The following BUB1 variants were observed in gnomAD, a reference collection of about 807,000 sequenced individuals.
BUB1 encodes mitotic checkpoint serine/threonine-protein kinase BUB1.
BUB1 carries 84 observed loss-of-function variants against 135.2 expected under a neutral mutation model. That is an observed-to-expected ratio of 0.62 (90% CI 0.52 to 0.74). The LOEUF (loss-of-function observed/expected upper bound fraction) is 0.74, where lower values mean the gene tolerates loss of function less well. Ranked by LOEUF, BUB1 falls within the 30% of genes least tolerant of loss-of-function variation. BUB1 has a pLI of 0.00. For missense variants in BUB1, 1,162 were observed against 1,288.3 expected, an observed-to-expected ratio of 0.90 and a Z score of 1.50; for synonymous variants, 403 against 434.4, an observed-to-expected ratio of 0.93 and a Z score of 0.90.
intron 17 of BUB1, 115 bp downstream of exon 17, chr2:110,653,321 A>G: frequency 9.7e-7 from 1 of 1,025,768 alleles, no homozygotes; most frequent in Non-Finnish European, 1.4e-6. Flanking sequence ...TTGGCCTTTA[A>G]GGCTAAAATT....
At position 110,672,751 on chromosome 2, in the gene BUB1, G is replaced by T. The variant is rs2104559391; in HGVS notation, c.332C>A (p.Ala111Asp). ...ACTGGCATGCTGCAGCTCTCCTTGG[G>T]CTTCCAGATGCCCCGCCCAGGCAAT... ...LYIAWAGHLE[A>D]QGELQHASAV... Residue 111 changes from alanine to aspartate, a missense_variant, in exon 4 of 25, where the codon GCC (alanine) becomes GAC (aspartate). By Grantham distance (126) the Ala-to-Asp change is moderately radical. Transcript: ENST00000302759. 6.2e-7 allele frequency: 1 copy of T among 1,614,158 alleles called. No homozygotes were observed. The highest frequency in any genetic ancestry group is 2.2e-5 in the East Asian group (1 of 44,886).
intron 2 of BUB1, 34 bp downstream of exon 2, chr2:110,674,272 T>G: frequency 1.2e-6 from 2 of 1,613,384 alleles, no homozygotes. Flanking sequence ...AGTGTATAGT[T>G]TGTTTAAGGG....
chr2:110,658,615 T>A lies in BUB1; in HGVS notation c.1404A>T (p.Leu468Phe). The change falls in exon 12 of 25, where the codon TTA becomes TTT. Residue 468 changes from leucine to phenylalanine, a missense_variant and splice_region_variant. Leu to Phe is a conservative substitution (Grantham distance 22). Transcript: ENST00000302759. ...PSPTVHTKEA[L>F]GFIMNMFQAP... The stretch of plus-strand genomic sequence containing the variant: ...ACACACTCAGATAAAATACTTTACC[T>A]AATGCTTCTTTTGTGTGCACGGTGG... 1.2e-6 allele frequency: 2 copies of A among 1,614,224 alleles called. No individual in the cohort carries two copies. The highest frequency in any genetic ancestry group is 1.7e-6 in the Non-Finnish European group (2 of 1,180,038).
chr2:110,672,577 C>A (rs549584398), intron 4 of BUB1, 84 bp downstream of exon 4: 100 of 1,393,404 alleles, frequency 7.2e-5, no homozygotes, highest in Non-Finnish European at 9.2e-5. Context: ...TTTCCCTGTA[C>A]AAATTGCTAA....
chr2:110,669,636 C>G, intron 5 of BUB1, 83 bp from the exon 6 acceptor site: 1 of 855,232 alleles, frequency 1.2e-6, no homozygotes, highest in Non-Finnish European at 1.9e-6. Context: ...TTCCCCTGAT[C>G]CTTCCAGTAG....
At chr2:110,661,536 G>A in intron 10 of BUB1, 46 bp downstream of exon 10, 3 of 1,588,518 alleles carry the variant, frequency 1.9e-6, no homozygotes, top group Non-Finnish European at 2.6e-6. Flanking sequence ...GAAGGTGACA[G>A]GTGCCACTCA....
chr2:110,652,209 A>C (rs1232759338), intron 17 of BUB1, among the ~76,000 whole-genome samples: 5 of 152,176 alleles, frequency 3.3e-5, no homozygotes, highest in Non-Finnish European at 5.9e-5. Flanking sequence ...TACAGAACGC[A>C]GAGTGATGAA....
chr2:110,674,574 G>C (rs1240808816), intron 1 of BUB1, among the ~76,000 whole-genome samples: 2 of 152,202 alleles, frequency 1.3e-5, no homozygotes, highest in Non-Finnish European at 2.9e-5. Context: ...CATTCGCTCA[G>C]ACATAGTCAG....
intron 4 of BUB1, among the ~76,000 whole-genome samples, chr2:110,671,028 C>A (rs1690405738): frequency 1.3e-5 from 2 of 152,284 alleles, no homozygotes; most frequent in South Asian, 4.1e-4. Flanking sequence ...TCAAATATGT[C>A]ATTTCATGGC....
chr2:110,658,478 A>G lies in BUB1; in HGVS notation c.1448T>C (p.Ile483Thr), dbSNP rs755528058. The change falls in exon 13 of 25, where the codon ATT becomes ACT. Residue 483 changes from isoleucine to threonine, a missense_variant. Transcript: ENST00000302759. ...TTGCCATTCATCTTTGTCATCAGAA[A>G]TATCAGGAAGTGTAGGAGCCTGAAA... Reference protein sequence around the residue: ...NMFQAPTLPDISDDKDEWQSL... With the variant: ...NMFQAPTLPDTSDDKDEWQSL... 6.2e-7 allele frequency: 1 copy of G among 1,614,116 alleles called. No homozygotes were observed. Among genetic ancestry groups the G allele is most frequent in the Non-Finnish European group, 8.5e-7 (1 of 1,180,010 alleles).
chr2:110,640,776 T>C (rs769357483), intron 23 of BUB1, among the ~76,000 whole-genome samples: 8 of 152,198 alleles, frequency 5.3e-5, no homozygotes, highest in Admixed American at 2.6e-4. Context: ...AATCATTAAA[T>C]ACTCTTCCCT....
chr2:110,644,638 G>A (rs1156620669), intron 19 of BUB1, among the ~76,000 whole-genome samples: 1 of 151,990 alleles, frequency 6.6e-6, no homozygotes, highest in Admixed American at 6.6e-5. Context: ...TGCAGAAAAA[G>A]ACACAGAGAA....
chr2:110,644,178 G>C (rs2104518291), intron 19 of BUB1, among the ~76,000 whole-genome samples: 1 of 151,630 alleles, frequency 6.6e-6, no homozygotes, highest in African/African-American at 2.4e-5. Flanking sequence ...GAAGAAGGGA[G>C]AAAGGAACAG....
chr2:110,649,386 A>G lies in BUB1; in HGVS notation c.2204-9T>C. Reference sequence around the variant, plus strand: ...GTTCCCAACAATGAAGTCTTAAAGGAATGAGAAAAAAAAAAAAAAAGGGAA... The same window carrying G: ...GTTCCCAACAATGAAGTCTTAAAGGGATGAGAAAAAAAAAAAAAAAGGGAA... On this transcript the variant is annotated splice_polypyrimidine_tract_variant and intron_variant, in intron 18 of 24. Transcript: ENST00000302759. The G allele has an allele frequency of 6.5e-7, 1 of 1,530,236 alleles. No individual in the cohort carries two copies. Among genetic ancestry groups the G allele is most frequent in the Non-Finnish European group, 8.7e-7 (1 of 1,143,168 alleles). The allele number at this position is 1,530,236 out of a possible 1,614,324, so 94.8% of individuals were successfully genotyped here.
chr2:110,653,104 G>C (rs1406045528), intron 17 of BUB1, among the ~76,000 whole-genome samples: 1 of 152,178 alleles, frequency 6.6e-6, no homozygotes, highest in Non-Finnish European at 1.5e-5. Context: ...ATCTGTGACA[G>C]TTTCTTAGTC....
At chr2:110,653,927 C>T (rs1364126885) in intron 16 of BUB1, among the ~76,000 whole-genome samples, 1 of 152,084 alleles carries the variant, frequency 6.6e-6, no homozygotes, top group Non-Finnish European at 1.5e-5. Context: ...ATCACTTGAG[C>T]CCAGGAGTTT....
At chr2:110,650,308 A>T (rs1412965419) in intron 18 of BUB1, among the ~76,000 whole-genome samples, 1 of 152,176 alleles carries the variant, frequency 6.6e-6, no homozygotes, top group Non-Finnish European at 1.5e-5. Context: ...AGGCTGTCAA[A>T]TTCTAATTCC....
Position 110,641,105 on chromosome 2 carries a change from A to G in BUB1, c.2884T>C (p.Phe962Leu). The G allele has an allele frequency of 6.2e-7, 1 of 1,613,674 alleles. No individual in the cohort carries two copies. The highest frequency in any genetic ancestry group is 1.1e-5 in the South Asian group (1 of 90,946). Residue 962 changes from phenylalanine to leucine, a missense_variant, in exon 23 of 25, where the codon TTC (phenylalanine) becomes CTC (leucine). Transcript: ENST00000302759. ...DMKLFPKGTI[F>L]TAKCETSGFQ... ...CCAGATGTTTCACACTTTGCTGTGA[A>G]TATAGTTCCTTTTGGAAAAAGTTTC...
At chr2:110,672,048 G>A (rs1350373188) in intron 4 of BUB1, among the ~76,000 whole-genome samples, 1 of 152,154 alleles carries the variant, frequency 6.6e-6, no homozygotes, top group Non-Finnish European at 1.5e-5. Flanking sequence ...CCAACATGGC[G>A]AAACCTCGTC....
Sources: gnomAD v4.1 joint callset for allele counts (sites outside exome capture counted in the v4.1 genomes callset) on GRCh38, gnomAD v4.1.1 for gene constraint, MANE v1.5 for transcripts, NCBI Gene and HGNC (gene_info 2026-07-23, HGNC 2026-07-21) for gene names.